The following USP10 variants were observed in gnomAD, a reference collection of about 807,000 sequenced individuals.
The protein encoded by USP10 is ubiquitin specific peptidase 10.
In USP10, 22 loss-of-function variants were observed where a neutral mutation model predicts 84.5. The ratio of observed to expected loss-of-function variants is 0.26; its 90% confidence interval spans 0.19 to 0.37. USP10 has a LOEUF of 0.37. Ranked by LOEUF, USP10 falls within the 10% of genes least tolerant of loss-of-function variation. USP10 has a pLI of 1.00. For synonymous variants in USP10, 454 were observed against 387.6 expected, an observed-to-expected ratio of 1.17 and a Z score of -2.01; for missense variants, 1,019 against 998.9, an observed-to-expected ratio of 1.02 and a Z score of -0.27.
rs544515816 is a variant in USP10, at chr16:84,700,052, C to T, written c.-39C>T. 3.5e-5 allele frequency: 47 copies of T among 1,362,148 alleles called. No individual in the cohort carries two copies. Among genetic ancestry groups the T allele is most frequent in the Non-Finnish European group, 4.1e-5 (43 of 1,036,178 alleles). 84.4% of individuals were successfully genotyped at this position (1,362,148 alleles called of 1,614,324 possible). On this transcript the variant is annotated 5_prime_UTR_variant, in exon 1 of 14. Coordinates refer to ENST00000219473, the MANE Select transcript of USP10 (RefSeq NM_005153.3). The stretch of plus-strand genomic sequence containing the variant: ...GCGGCGGCGGGGGAAGCAGCGTGAG[C>T]AGCCGGAGGATCGCGGAGTCCCAAT...
At chr16:84,764,676 C>G (rs569954474) in intron 10 of USP10, among the ~76,000 whole-genome samples, 1 of 152,000 alleles carries the variant, frequency 6.6e-6, no homozygotes, top group African/African-American at 2.4e-5. Flanking sequence ...ACTAAAAATA[C>G]AAAAATCAAC....
chr16:84,718,891 C>A (rs1907413079), intron 1 of USP10, among the ~76,000 whole-genome samples: 1 of 151,918 alleles, frequency 6.6e-6, no homozygotes, highest in South Asian at 2.1e-4. Flanking sequence ...CTCCTGGGTT[C>A]AAGCGATTCT....
chr16:84,755,677 A>T (rs1382688362), intron 4 of USP10, among the ~76,000 whole-genome samples: 1 of 152,052 alleles, frequency 6.6e-6, no homozygotes, highest in Non-Finnish European at 1.5e-5. Context: ...ACACATCTGT[A>T]GTCCCAGCTA....
Position 84,745,307 on chromosome 16 carries a change from A to G in USP10, c.826A>G (p.Thr276Ala), listed in dbSNP as rs771170337. ...RTAGAQPCVG[T>A]DTTENLGVAN... ...AGCTGGGGCTCAGCCCTGCGTTGGT[A>G]CCGATACTACTGAAAACCTTGGAGT... Residue 276 changes from threonine (T) to alanine (A), a missense_variant, in exon 4 of 14, where the codon ACC (threonine) becomes GCC (alanine). Thr to Ala is a moderately conservative substitution (Grantham distance 58). Coordinates refer to ENST00000219473, the MANE Select transcript of USP10 (RefSeq NM_005153.3). The G allele has an allele frequency of 3.7e-6, 6 of 1,613,072 alleles. No individual in the cohort carries two copies. Among genetic ancestry groups the G allele is most frequent in the African/African-American group, 1.3e-5 (1 of 75,026 alleles).
In USP10 at chr16:84,757,400, G is replaced by GTGT. The variant is rs1555546460; in HGVS notation, c.1193-1316_1193-1315insTGT. Among the ~76,000 whole-genome samples the GTGT allele has an allele frequency of 5.9e-3, 364 of 61,200 alleles. 2 individuals carry two copies. Among genetic ancestry groups the GTGT allele is most frequent in the African/African-American group, 0.017 (292 of 16,940 alleles). The allele number at this position is 61,200 out of a possible 152,430, so 40.1% of individuals were successfully genotyped here. A position where few individuals can be genotyped will look rare whatever the true frequency, so the allele number is the denominator to read the frequency against. ...TAGGAAGGAGGGAATGAGAGGGGTG[G>GTGT]GGGTGTGTGTGTGTGTGTGTGTGTG... is the stretch of plus-strand genomic sequence containing the variant. On this transcript the variant is annotated intron_variant, in intron 4 of 13. Transcript: ENST00000219473.
intron 2 of USP10, among the ~76,000 whole-genome samples, chr16:84,735,871 G>A (rs1296804085): frequency 1.3e-5 from 2 of 152,178 alleles, no homozygotes; most frequent in African/African-American, 4.8e-5. Context: ...TAACATAATC[G>A]GATGGAGTTG....
intron 3 of USP10, among the ~76,000 whole-genome samples, chr16:84,743,319 C>G (rs1910840178): frequency 6.6e-6 from 1 of 152,182 alleles, no homozygotes; most frequent in Admixed American, 6.5e-5. Flanking sequence ...ACCCTTCACC[C>G]CCCACAGTCG....
At chr16:84,750,535 C>G (rs1911806839) in intron 4 of USP10, among the ~76,000 whole-genome samples, 2 of 152,098 alleles carry the variant, frequency 1.3e-5, no homozygotes, top group African/African-American at 2.4e-5. Context: ...CTCATTAGCA[C>G]AGATACTTTG....
intron 1 of USP10, among the ~76,000 whole-genome samples, chr16:84,703,248 T>C (rs1303399564): frequency 1.3e-5 from 2 of 152,168 alleles, no homozygotes; most frequent in Admixed American, 1.3e-4. Context: ...CCGGTTAAAT[T>C]ATTTGGGGTA....
At position 84,764,270 on chromosome 16, in the gene USP10, G is replaced by A. The variant is rs1432281869; in HGVS notation, c.1832+7G>A. The A allele has an allele frequency of 6.2e-7, 1 of 1,613,876 alleles. No homozygotes were observed. The highest frequency in any genetic ancestry group is 8.5e-7 in the Non-Finnish European group (1 of 1,179,890). ...TTTTTGGTGGACACATCAGGTTTGT[G>A]CTTTTCTGGAATAACTTAATATTTG... On this transcript the variant is annotated splice_region_variant and intron_variant, in intron 10 of 13. Transcript: ENST00000219473.
chr16:84,728,853 T>C (rs1002650776), intron 1 of USP10, among the ~76,000 whole-genome samples: 5 of 152,206 alleles, frequency 3.3e-5, no homozygotes, highest in African/African-American at 1.2e-4. Context: ...GGCTGGAGTG[T>C]AGTGGCACCA....
chr16:84,764,345 G>C, intron 10 of USP10, 82 bp downstream of exon 10: 1 of 1,564,982 alleles, frequency 6.4e-7, no homozygotes, highest in African/African-American at 1.4e-5. Flanking sequence ...TGTGAGGCTT[G>C]TTTTGAGACT....
chr16:84,735,196 GGTGTGTGTGTGTGTGTGTGTGTGT>G (rs34240400), intron 2 of USP10, among the ~76,000 whole-genome samples: 53,902 of 146,362 alleles, frequency 0.37, 10,273 homozygotes, highest in East Asian at 0.54. Context: ...AGGCCCGGGT[GGTGTGTGTGTGTGTGTGTGTGTGT>G]GTGTGTGTGT....
chr16:84,726,585 T>TG (rs1908509852), intron 1 of USP10, among the ~76,000 whole-genome samples: 1 of 152,360 alleles, frequency 6.6e-6, no homozygotes, highest in East Asian at 1.9e-4. Flanking sequence ...CCTGCTGTGG[T>TG]GTGGGCTTGC....
At chr16:84,768,956 G>A (rs770889973) in intron 11 of USP10, among the ~76,000 whole-genome samples, 30 of 152,164 alleles carry the variant, frequency 2.0e-4, no homozygotes, top group Non-Finnish European at 3.5e-4. Flanking sequence ...TGGGCGAGAC[G>A]GATAGCATTC....
intron 1 of USP10, among the ~76,000 whole-genome samples, chr16:84,723,574 T>C (rs1045234468): frequency 1.3e-5 from 2 of 152,178 alleles, no homozygotes; most frequent in Non-Finnish European, 2.9e-5. Context: ...ATAAGCTTTT[T>C]ATTTGTGTGG....
chr16:84,757,103 A>G (rs557846396), intron 4 of USP10, among the ~76,000 whole-genome samples: 1 of 152,270 alleles, frequency 6.6e-6, no homozygotes, highest in South Asian at 2.1e-4. Flanking sequence ...AATATACACA[A>G]AGCTTCTAGC....
intron 1 of USP10, among the ~76,000 whole-genome samples, chr16:84,705,598 C>G (rs938299984): frequency 3.3e-5 from 5 of 151,610 alleles, no homozygotes; most frequent in Non-Finnish European, 5.9e-5. Context: ...TTCCCTCTTT[C>G]TTTCTTCCTG....
chr16:84,750,895 A>T (rs149320165), intron 4 of USP10, among the ~76,000 whole-genome samples: 175 of 152,254 alleles, frequency 1.1e-3, no homozygotes, highest in African/African-American at 3.9e-3. Context: ...GTTAGTCAAA[A>T]CCTGTTTATA....
Sources: gnomAD v4.1 joint callset for allele counts (sites outside exome capture counted in the v4.1 genomes callset) on GRCh38, gnomAD v4.1.1 for gene constraint, MANE v1.5 for transcripts, NCBI Gene and HGNC (gene_info 2026-07-23, HGNC 2026-07-21) for gene names.